ARHGEF10: variants seen among roughly 807,000 people sequenced by gnomAD.
ARHGEF10 encodes Rho guanine nucleotide exchange factor (GEF) 10.
ARHGEF10 carries 140 observed loss-of-function variants against 147.4 expected under a neutral mutation model. That is an observed-to-expected ratio of 0.95 (90% CI 0.83 to 1.09). The LOEUF (loss-of-function observed/expected upper bound fraction) is 1.09. Among genes scored for constraint, ARHGEF10 ranks in the 50% least tolerant of loss-of-function variants. The probability of loss-of-function intolerance (pLI) is 0.00; values close to 1 mark genes in which losing one functional copy is unlikely to be tolerated. For synonymous variants in ARHGEF10, 902 were observed against 695.8 expected (o/e 1.30, Z -4.67); for missense variants, 2,222 against 1,752.7 (o/e 1.27, Z -4.78).
At chr8:1,836,623 G>C (rs1358698611) in intron 1 of ARHGEF10, among the ~76,000 whole-genome samples, 3 of 152,128 alleles carry the variant, frequency 2.0e-5, no homozygotes, top group Non-Finnish European at 4.4e-5. Flanking sequence ...GCAGGCTGTG[G>C]GGGGGAGAAG....
chr8:1,835,419 G>C (rs957604965), intron 1 of ARHGEF10, among the ~76,000 whole-genome samples: 146 of 152,238 alleles, frequency 9.6e-4, no homozygotes, highest in Middle Eastern at 3.4e-3. Context: ...TGCTGGGCTG[G>C]GGCAGATGCA....
intron 13 of ARHGEF10, among the ~76,000 whole-genome samples, chr8:1,895,196 C>T (rs1205129339): frequency 6.6e-6 from 1 of 152,200 alleles, no homozygotes; most frequent in Non-Finnish European, 1.5e-5. Flanking sequence ...CTGGTGGTTT[C>T]TGCACTGGCA....
At chr8:1,908,181 C>G (rs1171387003) in intron 17 of ARHGEF10, among the ~76,000 whole-genome samples, 1 of 151,108 alleles carries the variant, frequency 6.6e-6, no homozygotes, top group East Asian at 1.9e-4. Context: ...GGTGCTCAGT[C>G]CAATGCATAG....
At chr8:1,850,275 G>A (rs1451834375) in intron 2 of ARHGEF10, among the ~76,000 whole-genome samples, 2 of 138,360 alleles carry the variant, frequency 1.4e-5, no homozygotes, top group Non-Finnish European at 3.3e-5. Flanking sequence ...GCTGAGGAGG[G>A]TGTGGGGCGG....
chr8:1,951,732 A>C (rs1815065499), intron 27 of ARHGEF10, among the ~76,000 whole-genome samples: 1 of 152,256 alleles, frequency 6.6e-6, no homozygotes, highest in Admixed American at 6.5e-5. Flanking sequence ...CTTTGGGGCT[A>C]AACAGAGAAA....
chr8:1,878,600 A>G (rs997747652), intron 8 of ARHGEF10, among the ~76,000 whole-genome samples: 1 of 152,004 alleles, frequency 6.6e-6, no homozygotes, highest in Non-Finnish European at 1.5e-5. Flanking sequence ...GACATCACAG[A>G]TGGAGGCTCG....
At chr8:1,884,313 G>A (rs1449957113) in intron 10 of ARHGEF10, among the ~76,000 whole-genome samples, 1 of 151,434 alleles carries the variant, frequency 6.6e-6, no homozygotes, top group African/African-American at 2.4e-5. Context: ...GGAGAATGGC[G>A]TGAACCCGGG....
chr8:1,850,965 G>A (rs779811869), intron 2 of ARHGEF10, among the ~76,000 whole-genome samples: 4 of 151,404 alleles, frequency 2.6e-5, no homozygotes, highest in Non-Finnish European at 5.9e-5. Context: ...CGCCCGGTGC[G>A]ATTCCAACCA....
rs745576929 is a variant in ARHGEF10 at position 1,882,632 on chromosome 8, C to T, written c.961-3C>T. On this transcript the variant is annotated splice_polypyrimidine_tract_variant and splice_region_variant and intron_variant, in intron 9 of 28. Transcript: ENST00000349830. ...CGTTCTCACATCTCCCTCTCCGTCG[C>T]AGATGCAGAAGCTCGTGAAGGCCGC... 1.9e-6 allele frequency: 3 copies of T among 1,552,124 alleles called. No individual in the cohort carries two copies. The highest frequency in any genetic ancestry group is 2.6e-6 in the Non-Finnish European group (3 of 1,147,182).
At chr8:1,895,284 G>A (rs1034344247) in intron 13 of ARHGEF10, among the ~76,000 whole-genome samples, 1 of 152,192 alleles carries the variant, frequency 6.6e-6, no homozygotes, top group Admixed American at 6.5e-5. Flanking sequence ...TAGATGTAGA[G>A]GATTATGAGT....
intron 2 of ARHGEF10, among the ~76,000 whole-genome samples, chr8:1,853,421 G>A (rs980217604): frequency 2.0e-5 from 3 of 152,360 alleles, no homozygotes; most frequent in South Asian, 2.1e-4. Flanking sequence ...GATCCATGTC[G>A]TCTCAAACTA....
intron 1 of ARHGEF10, among the ~76,000 whole-genome samples, chr8:1,824,765 C>T (rs1346857838): frequency 1.1e-5 from 1 of 87,258 alleles, no homozygotes. Flanking sequence ...CCGCACCCTA[C>T]CTGTTTATTC....
intron 18 of ARHGEF10, among the ~76,000 whole-genome samples, chr8:1,921,618 C>T (rs922586433): frequency 6.6e-6 from 1 of 152,058 alleles, no homozygotes; most frequent in African/African-American, 2.4e-5. Context: ...ACTGTAGTCC[C>T]AGCTTATTCG....
At chr8:1,934,073 G>C (rs1398170985) in intron 26 of ARHGEF10, 131 bp downstream of exon 26, 5 of 1,217,324 alleles carry the variant, frequency 4.1e-6, no homozygotes, top group African/African-American at 1.5e-5. Context: ...AGTGGCTCAT[G>C]CCTGTAATGC....
intron 2 of ARHGEF10, among the ~76,000 whole-genome samples, chr8:1,853,053 C>T (rs1250229502): frequency 7.3e-6 from 1 of 137,032 alleles, no homozygotes; most frequent in African/African-American, 2.9e-5. Flanking sequence ...TTGGGCCGGG[C>T]GCTGGCGGGT....
intron 18 of ARHGEF10, among the ~76,000 whole-genome samples, chr8:1,915,603 C>T (rs771301328): frequency 6.6e-5 from 10 of 152,352 alleles, no homozygotes; most frequent in East Asian, 1.9e-4. Flanking sequence ...ATGCCACATG[C>T]GTGGCTCTGT....
rs1415251210 is a variant in ARHGEF10 at position 1,948,708 on chromosome 8, CAG to C, written c.3397+3058_3397+3059del. ...GAGCAGGCCAGAGAGTCCTTTCCTCCAGAGAGTCCTTTCATCTCATCTCCTCT... is the reference window on the plus strand; with the variant it reads ...GAGCAGGCCAGAGAGTCCTTTCCTCCAGAGTCCTTTCATCTCATCTCCTCT... On this transcript the variant is annotated intron_variant, in intron 27 of 28. Coordinates refer to ENST00000349830, the MANE Select transcript of ARHGEF10 (RefSeq NM_014629.4). This position sits in a 1 kb window ranked among gnomAD's most constrained non-coding sequence, Gnocchi z 4.9. Among the ~76,000 whole-genome samples, 2 of 152,188 alleles carry C rather than the reference CAG, an allele frequency of 1.3e-5. No individual in the cohort carries two copies. Among genetic ancestry groups the C allele is most frequent in the Admixed American group, 1.3e-4 (2 of 15,280 alleles).
chr8:1,872,322 G>C (rs1317209260), intron 7 of ARHGEF10, among the ~76,000 whole-genome samples: 1 of 152,182 alleles, frequency 6.6e-6, no homozygotes, highest in Non-Finnish European at 1.5e-5. Flanking sequence ...TTATGCTGGG[G>C]TTTATTGAGC....
chr8:1,845,421 C>G (rs748416427), intron 2 of ARHGEF10, among the ~76,000 whole-genome samples: 1 of 152,212 alleles, frequency 6.6e-6, no homozygotes, highest in Non-Finnish European at 1.5e-5. Flanking sequence ...CTCCTTCCCA[C>G]ACACATGTAA....
Sources: allele counts gnomAD v4.1 joint callset (sites outside exome capture counted in the v4.1 genomes callset), GRCh38; gene constraint gnomAD v4.1.1; non-coding constraint Gnocchi (gnomAD v3.1); transcripts MANE v1.5; gene names NCBI Gene and HGNC (gene_info 2026-07-23, HGNC 2026-07-21).